CXADR: variants seen among roughly 807,000 people sequenced by gnomAD.
CXADR encodes the protein coxsackievirus and adenovirus receptor.
In CXADR, 20 loss-of-function variants were observed where a neutral mutation model predicts 40.3. The ratio of observed to expected loss-of-function variants is 0.50; its 90% CI spans 0.35 to 0.72. The LOEUF is 0.72. CXADR is among the 30% of genes least tolerant of loss of function. CXADR has a pLI of 0.01. For missense variants in CXADR, 332 were observed against 449.1 expected (o/e 0.74, Z 2.36); for synonymous variants, 150 against 161.3 (o/e 0.93, Z 0.53).
At chr21:17,562,496 ATT>A (rs1024206482) in intron 6 of CXADR, among the ~76,000 whole-genome samples, 1 of 152,110 alleles carries the variant, frequency 6.6e-6, no homozygotes, top group African/African-American at 2.4e-5. Flanking sequence ...TAATTCTTGT[ATT>A]TTTTGTAGAG....
At chr21:17,582,988 C>T (rs1250427505) in intron 7 of CXADR, among the ~76,000 whole-genome samples, 1 of 152,124 alleles carries the variant, frequency 6.6e-6, no homozygotes, top group East Asian at 1.9e-4. Context: ...AATGACCTTG[C>T]GATTCTGGGA....
At chr21:17,565,232 G>C (rs2061187609) in intron 6 of CXADR, among the ~76,000 whole-genome samples, 196 bp from the exon 7 acceptor site, 1 of 151,938 alleles carries the variant, frequency 6.6e-6, no homozygotes, top group Non-Finnish European at 1.5e-5. Context: ...TGACAGATTG[G>C]AGACATACAC....
chr21:17,584,488 T>C (rs1006665533), intron 7 of CXADR, among the ~76,000 whole-genome samples: 1 of 152,188 alleles, frequency 6.6e-6, no homozygotes, highest in Non-Finnish European at 1.5e-5. Flanking sequence ...CCTAATGTAT[T>C]TGGACATCTT....
chr21:17,605,696 T>A, the CXADR span, among the ~76,000 whole-genome samples: 2 of 152,344 alleles, frequency 1.3e-5, no homozygotes, highest in Admixed American at 1.3e-4. Context: ...TAACCTATTA[T>A]ACGACATCTA....
At position 17,579,143 on chromosome 21, in the gene CXADR, T is replaced by C. The variant is rs373509651; in HGVS notation, c.1017+13532T>C. ...ATGCAAGCATAATTAATGTAGGCTG[T>C]GGAAAGAGAGCCTGGAAAGAAGGGG... is the stretch of plus-strand genomic sequence containing the variant. On this transcript the variant is annotated intron_variant, in intron 7 of 7. Transcript: ENST00000400169. Among the ~76,000 whole-genome samples the C allele has an allele frequency of 3.3e-5, 5 of 152,114 alleles. No individual in the cohort carries two copies. In the East Asian group the frequency reaches 7.7e-4, roughly 23 times the overall value.
chr21:17,546,497 G>A (rs1386594155), intron 1 of CXADR, among the ~76,000 whole-genome samples: 2 of 152,206 alleles, frequency 1.3e-5, no homozygotes, highest in African/African-American at 2.4e-5. Context: ...AGGCAGGCAC[G>A]TCCCACGTGG....
the CXADR span, among the ~76,000 whole-genome samples, chr21:17,619,504 G>A: frequency 3.0e-4 from 45 of 151,914 alleles, no homozygotes; most frequent in African/African-American, 9.9e-4. Flanking sequence ...CAGGAGAATC[G>A]CTTGAGCCTG....
the CXADR span, among the ~76,000 whole-genome samples, chr21:17,615,769 C>A: frequency 3.3e-5 from 5 of 152,124 alleles, no homozygotes; most frequent in Non-Finnish European, 7.4e-5. Context: ...GAAAATGAGC[C>A]ACTCTAATAT....
intron 1 of CXADR, among the ~76,000 whole-genome samples, chr21:17,531,940 T>TG (rs972113576): frequency 6.6e-6 from 1 of 150,836 alleles, no homozygotes; most frequent in Non-Finnish European, 1.5e-5. Flanking sequence ...TTTTTGGGTT[T>TG]TTTTTTTTTT....
the CXADR span, among the ~76,000 whole-genome samples, chr21:17,601,612 C>T: frequency 6.6e-6 from 1 of 152,220 alleles, no homozygotes; most frequent in South Asian, 2.1e-4. Context: ...TTCAAGTTTA[C>T]TTAGCATAAG....
intron 7 of CXADR, among the ~76,000 whole-genome samples, chr21:17,588,732 A>G (rs2061414713): frequency 6.6e-6 from 1 of 152,152 alleles, no homozygotes; most frequent in Non-Finnish European, 1.5e-5. Context: ...GTAAAAGGAA[A>G]AATACTCTCT....
intron 7 of CXADR, among the ~76,000 whole-genome samples, chr21:17,576,299 C>T (rs1467122720): frequency 1.3e-5 from 2 of 152,244 alleles, no homozygotes; most frequent in Non-Finnish European, 2.9e-5. Context: ...CTGGTTCCAT[C>T]TCTGGCTTCA....
At chr21:17,615,564 T>C in the CXADR span, among the ~76,000 whole-genome samples, 1 of 152,248 alleles carries the variant, frequency 6.6e-6, no homozygotes, top group East Asian at 1.9e-4. Context: ...GTTATGTGAA[T>C]GTATGCTCGC....
intron 7 of CXADR, among the ~76,000 whole-genome samples, chr21:17,591,061 A>T (rs1371715828): frequency 4.0e-5 from 6 of 150,166 alleles, no homozygotes; most frequent in East Asian, 2.5e-4. Flanking sequence ...TCCTTTTTTT[A>T]AAAAAAATCT....
At chr21:17,562,053 T>G (rs1285135929) in intron 6 of CXADR, among the ~76,000 whole-genome samples, 1 of 152,202 alleles carries the variant, frequency 6.6e-6, no homozygotes, top group African/African-American at 2.4e-5. Context: ...ACATGAATGT[T>G]TTTGTTTTTC....
chr21:17,526,317 G>A (rs919213100), intron 1 of CXADR, among the ~76,000 whole-genome samples: 2 of 151,896 alleles, frequency 1.3e-5, no homozygotes, highest in African/African-American at 4.8e-5. Context: ...TTGTCACATA[G>A]TATTTGTTTC....
chr21:17,614,803 T>C, the CXADR span, among the ~76,000 whole-genome samples: 1 of 152,140 alleles, frequency 6.6e-6, no homozygotes, highest in African/African-American at 2.4e-5. Context: ...GCAAACAATG[T>C]CTCTTAAACA....
At chr21:17,531,280 C>T (rs1045658108) in intron 1 of CXADR, among the ~76,000 whole-genome samples, 13 of 147,358 alleles carry the variant, frequency 8.8e-5, no homozygotes, top group South Asian at 4.3e-4. Flanking sequence ...GCCTGGGCGA[C>T]GGAACGAGAC....
chr21:17,624,596 C>T, the CXADR span, among the ~76,000 whole-genome samples: 1 of 152,176 alleles, frequency 6.6e-6, no homozygotes, highest in East Asian at 1.9e-4. Flanking sequence ...TTTAAGGGCT[C>T]ATGTGACTCT....
Sources: allele counts gnomAD v4.1 joint callset (sites outside exome capture counted in the v4.1 genomes callset), GRCh38; gene constraint gnomAD v4.1.1; transcripts MANE v1.5; gene names NCBI Gene and HGNC (gene_info 2026-07-23, HGNC 2026-07-21).